KCNK2: variants seen among roughly 807,000 people sequenced by gnomAD.
The protein encoded by KCNK2 is potassium channel subfamily K member 2.
In KCNK2, 21 loss-of-function variants were observed where a neutral mutation model predicts 40.5. That is an observed-to-expected ratio of 0.52 (90% CI 0.37 to 0.75). The LOEUF (loss-of-function observed/expected upper bound fraction) is 0.75, where lower values mean the gene tolerates loss of function less well. KCNK2 is among the 30% of genes least tolerant of loss of function. The pLI is 0.00. For missense variants in KCNK2, 399 were observed against 531.6 expected (o/e 0.75, Z 2.45); for synonymous variants, 191 against 202.2 (o/e 0.94, Z 0.47).
At chr1:215,209,461 T>TATATATAAAATATATA (rs1665509526) in intron 6 of KCNK2, among the ~76,000 whole-genome samples, 1 of 2,234 alleles carries the variant, frequency 4.5e-4, no homozygotes, top group South Asian at 0.083. Context: ...TATTATATAT[T>TATATATAAAATATATA]ATATATAATA....
intron 2 of KCNK2, among the ~76,000 whole-genome samples, chr1:215,115,659 T>A (rs563746021): frequency 6.6e-6 from 1 of 152,244 alleles, no homozygotes; most frequent in South Asian, 2.1e-4. Context: ...CTTGATCTTT[T>A]TCCTCTCTCC....
Position 215,083,818 on chromosome 1 carries a change from G to T in KCNK2, c.46+387G>T, listed in dbSNP as rs372699853. On this transcript the variant is annotated intron_variant, in intron 1 of 6. Coordinates refer to ENST00000444842, the MANE Select transcript of KCNK2 (RefSeq NM_001017425.3). ...GTGGTGCTGAAAAAAGCTTGCTTCCGCTGCTATTCAGTGGTCAGTCGCCGC... is the reference window on the plus strand; with the variant it reads ...GTGGTGCTGAAAAAAGCTTGCTTCCTCTGCTATTCAGTGGTCAGTCGCCGC... 2.1e-4 allele frequency among the ~76,000 whole-genome samples: 32 copies of T among 152,280 alleles called. No individual in the cohort carries two copies. In the South Asian group the frequency reaches 6.0e-3, roughly 29 times the overall value.
At chr1:215,183,508 A>G (rs1328235472) in intron 5 of KCNK2, among the ~76,000 whole-genome samples, 2 of 152,040 alleles carry the variant, frequency 1.3e-5, no homozygotes, top group Non-Finnish European at 2.9e-5. Context: ...CATTTGCTTT[A>G]TTGTTGTATC....
At chr1:215,053,499 G>T (rs1451395095) in intron 1 of KCNK2, among the ~76,000 whole-genome samples, 1 of 152,144 alleles carries the variant, frequency 6.6e-6, no homozygotes, top group Non-Finnish European at 1.5e-5. Context: ...TAAAACAAAT[G>T]GTGGAAGATG....
chr1:215,171,062 T>A (rs1282669246), intron 4 of KCNK2, among the ~76,000 whole-genome samples: 3 of 152,144 alleles, frequency 2.0e-5, no homozygotes, highest in Non-Finnish European at 4.4e-5. Flanking sequence ...ATTTCATAGG[T>A]CTTTAAAAAT....
rs564839087 is a variant in KCNK2 at position 215,139,487 on chromosome 1, A to G, written c.475+14737A>G. ...TTTTGTTTGCAATGGGTATTTTTTAAAAAAATATATACATGGCTGGGTGTG... is the reference window on the plus strand; with the variant it reads ...TTTTGTTTGCAATGGGTATTTTTTAGAAAAATATATACATGGCTGGGTGTG... On this transcript the variant is annotated intron_variant, in intron 3 of 6. Coordinates refer to ENST00000444842, the MANE Select transcript of KCNK2 (RefSeq NM_001017425.3). 1.3e-4 allele frequency among the ~76,000 whole-genome samples: 20 copies of G among 152,266 alleles called. 1 individual carries two copies. Among genetic ancestry groups the G allele is most frequent in the Non-Finnish European group, 2.9e-5 (2 of 68,016 alleles).
At chr1:215,126,296 T>A (rs1371435561) in intron 3 of KCNK2, among the ~76,000 whole-genome samples, 1 of 152,138 alleles carries the variant, frequency 6.6e-6, no homozygotes, top group Non-Finnish European at 1.5e-5. Context: ...TTGCCTTTTT[T>A]AAGAGGTCAA....
intron 4 of KCNK2, among the ~76,000 whole-genome samples, chr1:215,169,693 A>G (rs78888072): frequency 3.3e-5 from 5 of 151,046 alleles, no homozygotes; most frequent in East Asian, 1.9e-4. Context: ...CTGCAGTGCA[A>G]TGGTACAATG....
In KCNK2 at chr1:215,125,597, G is replaced by T. The variant is rs1403231840; in HGVS notation, c.475+847G>T. Among the ~76,000 whole-genome samples the T allele has an allele frequency of 3.3e-5, 5 of 151,866 alleles. No homozygotes were observed. The East Asian group carries it at 9.7e-4, about 29-fold the overall frequency. On this transcript the variant is annotated intron_variant, in intron 3 of 6. Coordinates refer to ENST00000444842, the MANE Select transcript of KCNK2 (RefSeq NM_001017425.3). ...ACACCAGGGCCTGTTGTGGGGTGGG[G>T]AGATGGGGGAGGGATAGCATTAGGA...
At position 215,083,340 on chromosome 1, in the gene KCNK2, T is replaced by C. The variant is rs980403919; in HGVS notation, c.-46T>C. 1.2e-5 allele frequency: 20 copies of C among 1,613,822 alleles called. No homozygotes were observed. The highest frequency in any genetic ancestry group is 5.3e-5 in the African/African-American group (4 of 74,870). On this transcript the variant is annotated 5_prime_UTR_variant, in exon 1 of 7. Coordinates refer to ENST00000444842, the MANE Select transcript of KCNK2 (RefSeq NM_001017425.3). ...CAATGGCGTGTTTGTAAAAAAAAGC[T>C]TCAAGTCCGTCTTTTTCAAAAAACA...
At chr1:215,116,962 C>A (rs61818321) in intron 2 of KCNK2, among the ~76,000 whole-genome samples, 2 of 151,806 alleles carry the variant, frequency 1.3e-5, no homozygotes, top group African/African-American at 4.8e-5. Context: ...CATTTCTTTT[C>A]TCCACATGAA....
intron 5 of KCNK2, among the ~76,000 whole-genome samples, chr1:215,180,767 C>T (rs1173894930): frequency 6.6e-6 from 1 of 152,020 alleles, no homozygotes; most frequent in East Asian, 1.9e-4. Context: ...ATGATTTGAC[C>T]TTTGTCTGTA....
intron 3 of KCNK2, among the ~76,000 whole-genome samples, chr1:215,125,108 T>C (rs762918626): frequency 1.3e-5 from 2 of 152,218 alleles, no homozygotes; most frequent in Non-Finnish European, 2.9e-5. Flanking sequence ...TTTGACATTC[T>C]TTTCATGGAA....
At chr1:215,170,974 C>G (rs1272514523) in intron 4 of KCNK2, among the ~76,000 whole-genome samples, 1 of 152,106 alleles carries the variant, frequency 6.6e-6, no homozygotes, top group Non-Finnish European at 1.5e-5. Context: ...TCTTTGTAAA[C>G]ATGAACTCAT....
intron 6 of KCNK2, among the ~76,000 whole-genome samples, chr1:215,208,891 C>G (rs918276680): frequency 6.6e-6 from 1 of 151,694 alleles, no homozygotes; most frequent in Non-Finnish European, 1.5e-5. Context: ...GCAGTGGCAC[C>G]ATCTTGGCTC....
intron 1 of KCNK2, among the ~76,000 whole-genome samples, chr1:215,012,074 C>A (rs186285143): frequency 7.2e-4 from 109 of 152,198 alleles, no homozygotes; most frequent in African/African-American, 2.5e-3. Flanking sequence ...CAGGCTGTTG[C>A]CAGTTTTTGA....
intron 1 of KCNK2, among the ~76,000 whole-genome samples, chr1:215,019,257 C>T (rs188669070): frequency 1.1e-3 from 175 of 152,286 alleles, no homozygotes; most frequent in South Asian, 9.5e-3. Flanking sequence ...AAATTGCTTA[C>T]TATTATACTT....
Position 215,007,175 on chromosome 1 carries a change from ATGTGTGTGGG to A in KCNK2, c.34+1222_34+1231del, listed in dbSNP as rs1479997390. Among the ~76,000 whole-genome samples the A allele has an allele frequency of 2.3e-3, 174 of 74,280 alleles. 7 individuals carry two copies. Among genetic ancestry groups the A allele is most frequent in the African/African-American group, 0.01 (149 of 14,514 alleles). The allele number at this position is 74,280 out of a possible 152,430, so 48.7% of individuals were successfully genotyped here. A position where few individuals can be genotyped will look rare whatever the true frequency, so the allele number is the denominator to read the frequency against. On this transcript the variant is annotated intron_variant, in intron 1 of 6. Transcript: ENST00000391895. ...TATATATGTATGTATATATATATGT[ATGTGTGTGGG>A]TATATATATATATATATATATATAT...
In KCNK2 at chr1:215,236,499, TA is replaced by T. The variant is rs1395350149; in HGVS notation, c.*1357del. On this transcript the variant is annotated 3_prime_UTR_variant, in exon 7 of 7. Coordinates refer to ENST00000444842, the MANE Select transcript of KCNK2 (RefSeq NM_001017425.3). ...GAGAAAAAGCTGTTATAGCACAATT[TA>T]AATTTTGAGAGTTTGCTGTGTTTTT... is the stretch of plus-strand genomic sequence containing the variant. The T allele has an allele frequency of 6.6e-6, 1 of 152,558 alleles. No individual in the cohort carries two copies. The highest frequency in any genetic ancestry group is 1.5e-5 in the Non-Finnish European group (1 of 68,034). The allele number at this position is 152,558 out of a possible 1,614,324, so 9.5% of individuals were successfully genotyped here.
Sources: gnomAD v4.1 joint callset for allele counts (sites outside exome capture counted in the v4.1 genomes callset) on GRCh38, gnomAD v4.1.1 for gene constraint, MANE v1.5 for transcripts, NCBI Gene and HGNC (gene_info 2026-07-23, HGNC 2026-07-21) for gene names.